The following OPCML variants were observed in gnomAD, a reference collection of about 807,000 sequenced individuals.
The protein encoded by OPCML is opioid binding protein/cell adhesion molecule like.
A neutral mutation model predicts 37.8 loss-of-function variants in OPCML; 13 were observed. The ratio of observed to expected loss-of-function variants is 0.34; its 90% CI spans 0.22 to 0.55. The LOEUF (loss-of-function observed/expected upper bound fraction) is 0.55, where lower values mean the gene tolerates loss of function less well. OPCML is among the 20% of genes least tolerant of loss of function. The pLI is 0.91. For synonymous variants in OPCML, 176 were observed against 168.8 expected (o/e 1.04, Z -0.33); for missense variants, 341 against 435.6 (o/e 0.78, Z 1.93).
chr11:132,935,458 A>AC (rs1290441621), intron 2 of OPCML, among the ~76,000 whole-genome samples: 1 of 152,186 alleles, frequency 6.6e-6, no homozygotes, highest in African/African-American at 2.4e-5. Flanking sequence ...AAACTTAACA[A>AC]CCACTGATAA....
At chr11:132,873,859 T>C (rs1228199980) in intron 2 of OPCML, among the ~76,000 whole-genome samples, 1 of 151,712 alleles carries the variant, frequency 6.6e-6, no homozygotes, top group East Asian at 1.9e-4. Flanking sequence ...GAAAGAGGAA[T>C]TAAAATGTAG....
intron 2 of OPCML, among the ~76,000 whole-genome samples, chr11:132,792,855 GC>G (rs374548512): frequency 5.8e-4 from 88 of 152,312 alleles, no homozygotes; most frequent in Middle Eastern, 3.4e-3. Context: ...TATTCGCCGG[GC>G]CCGGGCAGCA....
intron 1 of OPCML, among the ~76,000 whole-genome samples, chr11:133,526,278 G>A (rs1267420139): frequency 6.6e-6 from 1 of 152,228 alleles, no homozygotes; most frequent in Non-Finnish European, 1.5e-5. Context: ...TGCCCACAGG[G>A]AGAGCACCAA....
intron 2 of OPCML, among the ~76,000 whole-genome samples, chr11:132,797,119 C>A (rs1272969278): frequency 2.0e-5 from 3 of 152,144 alleles, no homozygotes; most frequent in Non-Finnish European, 2.9e-5. Flanking sequence ...TTGATTAAAT[C>A]CAACTTACCT....
intron 4 of OPCML, among the ~76,000 whole-genome samples, chr11:132,473,245 A>G (rs2007365): frequency 0.01 from 1,540 of 152,300 alleles, 22 homozygotes; most frequent in African/African-American, 0.035. Context: ...AAATTTGTGA[A>G]TGTGTGAAAA....
At chr11:132,497,028 G>A (rs1592266658) in intron 4 of OPCML, among the ~76,000 whole-genome samples, 1 of 151,922 alleles carries the variant, frequency 6.6e-6, no homozygotes, top group Non-Finnish European at 1.5e-5. Flanking sequence ...GAGTGATGGT[G>A]AAAAAAGTGA....
At chr11:132,440,922 T>C (rs1374242363) in intron 4 of OPCML, among the ~76,000 whole-genome samples, 2 of 152,094 alleles carry the variant, frequency 1.3e-5, no homozygotes. Flanking sequence ...TCTGATTCCA[T>C]GCTGCAGATA....
chr11:132,455,002 G>GT (rs1286459841), intron 4 of OPCML, among the ~76,000 whole-genome samples: 1 of 152,130 alleles, frequency 6.6e-6, no homozygotes, highest in Admixed American at 6.5e-5. Flanking sequence ...CATGAACAGA[G>GT]TATAAGACCA....
chr11:133,263,529 G>A (rs1245692908), intron 1 of OPCML, among the ~76,000 whole-genome samples: 2 of 152,240 alleles, frequency 1.3e-5, no homozygotes, highest in South Asian at 4.1e-4. Context: ...GTGTGTTTAA[G>A]TGTACTCTAT....
chr11:132,472,650 G>T (rs572757566), intron 4 of OPCML, among the ~76,000 whole-genome samples: 1 of 152,210 alleles, frequency 6.6e-6, no homozygotes, highest in Admixed American at 6.5e-5. Flanking sequence ...CTTGGCCAGG[G>T]CTTCAGATAA....
At chr11:133,144,400 G>C (rs1212055218) in intron 1 of OPCML, among the ~76,000 whole-genome samples, 1 of 152,204 alleles carries the variant, frequency 6.6e-6, no homozygotes, top group Non-Finnish European at 1.5e-5. Flanking sequence ...ACCCTCTTCA[G>C]CAATAATGTT....
chr11:132,428,892 T>A (rs1453306853), intron 7 of OPCML, among the ~76,000 whole-genome samples: 2 of 152,220 alleles, frequency 1.3e-5, no homozygotes, highest in African/African-American at 4.8e-5. Flanking sequence ...GCATGGCACT[T>A]CCTATATTTT....
chr11:133,238,417 A>G (rs935993), intron 1 of OPCML, among the ~76,000 whole-genome samples: 65,927 of 152,190 alleles, frequency 0.43, 15,205 homozygotes, highest in East Asian at 0.63. Flanking sequence ...ATTACTTGTT[A>G]TTACAATTAT....
chr11:133,111,972 T>A (rs528780492), intron 1 of OPCML, among the ~76,000 whole-genome samples: 1 of 152,330 alleles, frequency 6.6e-6, no homozygotes, highest in Admixed American at 6.5e-5. Flanking sequence ...TATTATTTTT[T>A]TCTTAAAATG....
At position 132,575,369 on chromosome 11, in the gene OPCML, G is replaced by T. The variant is rs527486091; in HGVS notation, c.380-46183C>A. ...CCTTTGTGTTTTACTATTTATTTTT[G>T]TACTGATATGCTTTGATTTGTTTCT... On this transcript the variant is annotated intron_variant, in intron 3 of 7. Coordinates refer to ENST00000524381, the MANE Select transcript of OPCML (RefSeq NM_001012393.5). Among the ~76,000 whole-genome samples the T allele has an allele frequency of 5.3e-5, 8 of 151,826 alleles. No homozygotes were observed. In the South Asian group the frequency reaches 1.7e-3, roughly 32 times the overall value.
intron 1 of OPCML, among the ~76,000 whole-genome samples, chr11:133,391,994 A>C (rs891702403): frequency 6.6e-6 from 1 of 152,160 alleles, no homozygotes. Context: ...ATAATCAATC[A>C]CTGATGTATA....
chr11:133,532,226 A>G (rs1380023119), intron 1 of OPCML, 38 bp downstream of exon 1: 3 of 1,607,374 alleles, frequency 1.9e-6, no homozygotes, highest in East Asian at 2.3e-5. Context: ...TCGTACAATC[A>G]CCCCAGGGAG....
intron 2 of OPCML, among the ~76,000 whole-genome samples, chr11:132,910,011 T>A (rs1325098886): frequency 6.6e-6 from 1 of 152,240 alleles, no homozygotes; most frequent in Admixed American, 6.5e-5. Flanking sequence ...GTGTGGAGAA[T>A]TTTTATTCAG....
At chr11:132,937,595 G>GTGT (rs1945428755) in intron 2 of OPCML, among the ~76,000 whole-genome samples, 1 of 88,734 alleles carries the variant, frequency 1.1e-5, no homozygotes, top group Admixed American at 1.3e-4. Flanking sequence ...GCGTGTGTGG[G>GTGT]GTGTGTGTGT....
Sources: gnomAD v4.1 joint callset for allele counts (sites outside exome capture counted in the v4.1 genomes callset) on GRCh38, gnomAD v4.1.1 for gene constraint, MANE v1.5 for transcripts, NCBI Gene and HGNC (gene_info 2026-07-23, HGNC 2026-07-21) for gene names.